The following CDH12 variants were observed in gnomAD, a reference collection of about 807,000 sequenced individuals.
The protein encoded by CDH12 is cadherin 12.
CDH12 carries 41 observed loss-of-function variants against 74.1 expected under a neutral mutation model. The observed-to-expected ratio is 0.55, with a 90% CI of 0.43 to 0.72. The LOEUF (loss-of-function observed/expected upper bound fraction) is 0.72. Among genes scored for constraint, CDH12 ranks in the 30% least tolerant of loss-of-function variants. The probability of loss-of-function intolerance (pLI) is 0.00; values close to 1 mark genes in which losing one functional copy is unlikely to be tolerated. For missense variants in CDH12, 945 were observed against 977.2 expected, an observed-to-expected ratio of 0.97 and a Z score of 0.44; for synonymous variants, 399 against 355.0, an observed-to-expected ratio of 1.12 and a Z score of -1.39.
intron 2 of CDH12, among the ~76,000 whole-genome samples, chr5:22,487,705 C>T (rs1275604707): frequency 1.3e-5 from 2 of 152,058 alleles, no homozygotes; most frequent in African/African-American, 4.8e-5. Flanking sequence ...AAAATCAGTA[C>T]AAAATTGAAG....
intron 4 of CDH12, among the ~76,000 whole-genome samples, chr5:22,108,616 A>G (rs1451054422): frequency 3.3e-5 from 5 of 152,212 alleles, no homozygotes; most frequent in African/African-American, 9.6e-5. Context: ...GATCAACTCA[A>G]TTTTGTACAG....
chr5:21,901,446 A>T (rs1229849126), intron 6 of CDH12, among the ~76,000 whole-genome samples: 1 of 152,160 alleles, frequency 6.6e-6, no homozygotes. Context: ...ATAATTTTCA[A>T]ATATCTTTTT....
chr5:22,844,955 T>C (rs1270435683), intron 1 of CDH12, among the ~76,000 whole-genome samples: 1 of 152,158 alleles, frequency 6.6e-6, no homozygotes, highest in Non-Finnish European at 1.5e-5. Flanking sequence ...TTCTCTGTTC[T>C]CTTCATATAA....
intron 1 of CDH12, among the ~76,000 whole-genome samples, chr5:22,510,406 A>C (rs1446972016): frequency 6.6e-6 from 1 of 152,236 alleles, no homozygotes; most frequent in Non-Finnish European, 1.5e-5. Context: ...ATTGGCATAG[A>C]GTCTAAATGA....
At chr5:22,494,229 G>C (rs953203068) in intron 2 of CDH12, among the ~76,000 whole-genome samples, 1 of 152,188 alleles carries the variant, frequency 6.6e-6, no homozygotes, top group Non-Finnish European at 1.5e-5. Context: ...CCCCAGATTG[G>C]CGTGGGTTTT....
chr5:22,585,382 T>C (rs1021905027), intron 1 of CDH12, among the ~76,000 whole-genome samples: 2 of 152,200 alleles, frequency 1.3e-5, no homozygotes, highest in South Asian at 4.1e-4. Flanking sequence ...GAGCTCTTTT[T>C]TTTACCTATA....
At chr5:22,417,725 T>C (rs1743459475) in intron 2 of CDH12, among the ~76,000 whole-genome samples, 1 of 152,226 alleles carries the variant, frequency 6.6e-6, no homozygotes. Flanking sequence ...GTTGCTGTGG[T>C]TGAAATATAT....
At chr5:22,274,874 T>G (rs1200595125) in intron 3 of CDH12, among the ~76,000 whole-genome samples, 1 of 152,162 alleles carries the variant, frequency 6.6e-6, no homozygotes, top group African/African-American at 2.4e-5. Flanking sequence ...CTGAAATGAT[T>G]TTCATTTCTT....
At chr5:22,836,213 C>CTT (rs1561065902) in intron 1 of CDH12, among the ~76,000 whole-genome samples, 6 of 37,932 alleles carry the variant, frequency 1.6e-4, no homozygotes, top group Admixed American at 6.8e-4. Context: ...TTCTTTTTTT[C>CTT]TTTCTTTCTC....
At chr5:22,081,253 C>T (rs1561090486) in intron 4 of CDH12, among the ~76,000 whole-genome samples, 2 of 152,138 alleles carry the variant, frequency 1.3e-5, no homozygotes, top group Non-Finnish European at 2.9e-5. Context: ...AAATATCTAA[C>T]ATGAACTCCA....
intron 6 of CDH12, among the ~76,000 whole-genome samples, chr5:21,900,398 G>T (rs926333207): frequency 6.6e-6 from 1 of 152,114 alleles, no homozygotes; most frequent in Non-Finnish European, 1.5e-5. Flanking sequence ...TATATGACAG[G>T]TATGTAGTAT....
chr5:22,424,572 G>C (rs1177217645), intron 2 of CDH12, among the ~76,000 whole-genome samples: 3 of 152,152 alleles, frequency 2.0e-5, no homozygotes, highest in Non-Finnish European at 4.4e-5. Context: ...ATAAATATTT[G>C]TTTTTAACCA....
intron 4 of CDH12, among the ~76,000 whole-genome samples, chr5:22,202,147 TTTCCTTCCTTCCTTCCTTCCTCCCTTCC>T (rs1256320978): frequency 1.9e-4 from 8 of 41,134 alleles, no homozygotes; most frequent in East Asian, 1.8e-3. Context: ...CCCTCCCTAC[TTTCCTTCCTTCCTTCCTTCCTCCCTTCC>T]TTCCTTCCTT....
intron 9 of CDH12, among the ~76,000 whole-genome samples, chr5:21,810,224 C>G (rs984549662): frequency 1.3e-5 from 2 of 152,054 alleles, no homozygotes; most frequent in Non-Finnish European, 2.9e-5. Flanking sequence ...ATGTTTCTAT[C>G]TAAACGTCTA....
At chr5:22,117,238 C>T (rs76497178) in intron 4 of CDH12, among the ~76,000 whole-genome samples, 1,899 of 149,858 alleles carry the variant, frequency 0.013, 35 homozygotes, top group African/African-American at 0.045. Context: ...TAAATTATTT[C>T]TAGTAGCTTT....
intron 2 of CDH12, among the ~76,000 whole-genome samples, chr5:22,457,074 C>A (rs1745306876): frequency 6.6e-6 from 1 of 152,078 alleles, no homozygotes; most frequent in Admixed American, 6.5e-5. Flanking sequence ...AGAGTTCAGA[C>A]ACTGATCTTT....
At chr5:22,133,802 T>A (rs1326721634) in intron 4 of CDH12, among the ~76,000 whole-genome samples, 1 of 147,964 alleles carries the variant, frequency 6.8e-6, no homozygotes, top group Non-Finnish European at 1.5e-5. Context: ...AGTTAAAGTA[T>A]GCTAGTCTTC....
intron 1 of CDH12, among the ~76,000 whole-genome samples, chr5:22,644,060 C>A (rs2126874651): frequency 6.6e-6 from 1 of 152,124 alleles, no homozygotes; most frequent in Admixed American, 6.6e-5. Flanking sequence ...ATTCCCTGTC[C>A]TTCTTCCTCT....
chr5:22,723,002 G>A (rs1743976939), intron 1 of CDH12, among the ~76,000 whole-genome samples: 1 of 152,006 alleles, frequency 6.6e-6, no homozygotes, highest in South Asian at 2.1e-4. Context: ...AAATATAGCA[G>A]GTAAACACTG....
Sources: gnomAD v4.1 joint callset for allele counts (sites outside exome capture counted in the v4.1 genomes callset) on GRCh38, gnomAD v4.1.1 for gene constraint, MANE v1.5 for transcripts, NCBI Gene and HGNC (gene_info 2026-07-23, HGNC 2026-07-21) for gene names.